PTPRK: variants seen among roughly 807,000 people sequenced by gnomAD.
The protein encoded by PTPRK is receptor-type tyrosine-protein phosphatase kappa.
A neutral mutation model predicts 178.0 loss-of-function variants in PTPRK; 75 were observed. That is an observed-to-expected ratio of 0.42 (90% CI 0.35 to 0.51). The LOEUF (loss-of-function observed/expected upper bound fraction) is 0.51, where lower values mean the gene tolerates loss of function less well. PTPRK is among the 20% of genes least tolerant of loss of function. The probability of loss-of-function intolerance (pLI) is 0.02; values close to 1 mark genes in which losing one functional copy is unlikely to be tolerated. For missense variants in PTPRK, 1,441 were observed against 1,797.8 expected, an observed-to-expected ratio of 0.80 and a Z score of 3.59; for synonymous variants, 637 against 620.6, an observed-to-expected ratio of 1.03 and a Z score of -0.39.
intron 6 of PTPRK, among the ~76,000 whole-genome samples, chr6:128,194,069 ATTATTAT>A (rs1186086090): frequency 2.3e-5 from 3 of 131,816 alleles, no homozygotes; most frequent in Admixed American, 7.4e-5. Flanking sequence ...TATATATATT[ATTATTAT>A]TATTATTATT....
At chr6:128,226,341 C>T (rs1244550975) in intron 5 of PTPRK, among the ~76,000 whole-genome samples, 3 of 152,164 alleles carry the variant, frequency 2.0e-5, no homozygotes, top group Non-Finnish European at 4.4e-5. Context: ...AATATCTAAG[C>T]AAATAATCTG....
intron 11 of PTPRK, among the ~76,000 whole-genome samples, chr6:128,069,742 C>G (rs1782489502): frequency 6.6e-6 from 1 of 152,010 alleles, no homozygotes; most frequent in South Asian, 2.1e-4. Context: ...AACACAAAAT[C>G]TAGTGAACAT....
At position 128,022,960 on chromosome 6, in the gene PTPRK, C is replaced by T. The variant is rs571245642; in HGVS notation, c.2195-13692G>A. On this transcript the variant is annotated intron_variant, in intron 13 of 29. Transcript: ENST00000368226. ...ATCTCAGCTACTTGGGATCACTGCACGAACCAAAATGCTCAGATACGGAGA... is the reference window on the plus strand; with the variant it reads ...ATCTCAGCTACTTGGGATCACTGCATGAACCAAAATGCTCAGATACGGAGA... Among the ~76,000 whole-genome samples the T allele has an allele frequency of 3.7e-4, 56 of 152,258 alleles. No homozygotes were observed. In the South Asian group the frequency reaches 4.1e-3, roughly 11 times the overall value.
chr6:128,475,475 C>A (rs1450996265), intron 1 of PTPRK, among the ~76,000 whole-genome samples: 1 of 151,944 alleles, frequency 6.6e-6, no homozygotes, highest in Admixed American at 6.6e-5. Context: ...CTGCCACGGT[C>A]TAGGAATGAT....
At chr6:128,338,736 A>G (rs1831277941) in intron 2 of PTPRK, among the ~76,000 whole-genome samples, 1 of 152,164 alleles carries the variant, frequency 6.6e-6, no homozygotes, top group Non-Finnish European at 1.5e-5. Flanking sequence ...CAATGTTCTT[A>G]TAGGTATTCT....
intron 6 of PTPRK, among the ~76,000 whole-genome samples, chr6:128,217,566 G>A (rs546146510): frequency 1.6e-4 from 24 of 152,146 alleles, no homozygotes; most frequent in Middle Eastern, 3.4e-3. Context: ...ATTTCTTTTC[G>A]TTAAAAATAT....
chr6:128,357,338 A>G (rs1834097988), intron 2 of PTPRK, among the ~76,000 whole-genome samples: 1 of 152,224 alleles, frequency 6.6e-6, no homozygotes, highest in African/African-American at 2.4e-5. Context: ...GTTTTATATG[A>G]TATCACAATA....
chr6:128,262,247 A>G (rs1022456788), intron 3 of PTPRK, among the ~76,000 whole-genome samples: 1 of 152,210 alleles, frequency 6.6e-6, no homozygotes, highest in South Asian at 2.1e-4. Flanking sequence ...CCTAGGTTTA[A>G]AATGTGAGAC....
intron 10 of PTPRK, among the ~76,000 whole-genome samples, chr6:128,080,365 C>T (rs564482483): frequency 9.9e-5 from 15 of 151,538 alleles, no homozygotes; most frequent in African/African-American, 2.2e-4. Context: ...TACAAGATTG[C>T]GAAAATATTT....
chr6:128,011,986 A>G (rs1009701309), intron 13 of PTPRK, among the ~76,000 whole-genome samples: 1 of 151,196 alleles, frequency 6.6e-6, no homozygotes, highest in African/African-American at 2.4e-5. Flanking sequence ...CCATTAAGTT[A>G]TTTATTTGAG....
chr6:128,463,258 A>G (rs1849312482), intron 1 of PTPRK, among the ~76,000 whole-genome samples: 2 of 152,174 alleles, frequency 1.3e-5, no homozygotes, highest in South Asian at 4.1e-4. Flanking sequence ...CTGCCCTTCC[A>G]AGTTTGTCCT....
At chr6:128,324,808 G>C (rs764843237) in intron 2 of PTPRK, among the ~76,000 whole-genome samples, 7 of 152,124 alleles carry the variant, frequency 4.6e-5, no homozygotes, top group Non-Finnish European at 8.8e-5. Flanking sequence ...GCACTAGGGA[G>C]GAAGCTGCCT....
rs115796350 is a variant in PTPRK at position 128,014,608 on chromosome 6, T to C, written c.2195-5340A>G. ...GTAGAGATAATCTAGATGTCAGTTC[T>C]TTGGGTCCATTACATAGAAATGAAA... On this transcript the variant is annotated intron_variant, in intron 13 of 29. Coordinates refer to ENST00000368226, the MANE Select transcript of PTPRK (RefSeq NM_002844.4). Among the ~76,000 whole-genome samples the C allele has an allele frequency of 7.7e-3, 1,172 of 151,746 alleles. 16 individuals are homozygous for C. Among genetic ancestry groups the C allele is most frequent in the African/African-American group, 0.027 (1,118 of 41,486 alleles).
chr6:128,300,669 A>G (rs1825429167), intron 3 of PTPRK, among the ~76,000 whole-genome samples: 1 of 134,908 alleles, frequency 7.4e-6, no homozygotes, highest in Non-Finnish European at 1.6e-5. Flanking sequence ...ATGAGAACAC[A>G]CGGACACAGG....
chr6:128,066,606 G>A lies in PTPRK; in HGVS notation c.2157+913C>T, dbSNP rs140840022. 2.3e-4 allele frequency among the ~76,000 whole-genome samples: 35 copies of A among 151,804 alleles called. 1 individual carries two copies. The East Asian group carries it at 5.0e-3, about 22-fold the overall frequency. On this transcript the variant is annotated intron_variant, in intron 12 of 29. Coordinates refer to ENST00000368226, the MANE Select transcript of PTPRK (RefSeq NM_002844.4). ...ACATAAACCCAGCAATTTCCTATAC[G>A]GCTTCAAGTCTATTAAAATGTCATC...
chr6:128,200,666 G>A (rs1805731838), intron 6 of PTPRK, among the ~76,000 whole-genome samples: 1 of 151,436 alleles, frequency 6.6e-6, no homozygotes, highest in Admixed American at 6.6e-5. Context: ...GGGAGGCTGA[G>A]GCTGTAGTGA....
chr6:128,349,414 TC>T (rs1407769905), intron 2 of PTPRK, among the ~76,000 whole-genome samples: 1 of 152,054 alleles, frequency 6.6e-6, no homozygotes, highest in Non-Finnish European at 1.5e-5. Flanking sequence ...ATACAGAAAT[TC>T]ATTGTAGTTT....
chr6:128,070,255 A>T (rs1782583355), intron 11 of PTPRK, among the ~76,000 whole-genome samples: 2 of 152,080 alleles, frequency 1.3e-5, no homozygotes, highest in Admixed American at 1.3e-4. Flanking sequence ...AACTTAAACC[A>T]GGAACCTCAC....
At chr6:128,053,962 A>G (rs376379737) in intron 13 of PTPRK, among the ~76,000 whole-genome samples, 1 of 152,200 alleles carries the variant, frequency 6.6e-6, no homozygotes, top group African/African-American at 2.4e-5. Flanking sequence ...CTACTATTTA[A>G]CTGCATCAAT....
Sources: gnomAD v4.1 joint callset for allele counts (sites outside exome capture counted in the v4.1 genomes callset) on GRCh38, gnomAD v4.1.1 for gene constraint, MANE v1.5 for transcripts, NCBI Gene and HGNC (gene_info 2026-07-23, HGNC 2026-07-21) for gene names.